Variants in LMTK2 observed in about 807,000 individuals in gnomAD.
LMTK2 encodes the protein lemur tail kinase 2, also known as serine/threonine-protein kinase LMTK2.
Under a neutral mutation model 127.5 loss-of-function variants are expected in LMTK2, and 37 were observed. The observed-to-expected ratio is 0.29, with a 90% CI of 0.22 to 0.38. The LOEUF (loss-of-function observed/expected upper bound fraction) is 0.38, where lower values mean the gene tolerates loss of function less well. Among genes scored for constraint, LMTK2 ranks in the 10% least tolerant of loss-of-function variants. LMTK2 has a pLI of 1.00. For missense variants in LMTK2, 1,694 were observed against 1,920.3 expected (o/e 0.88, Z 2.20); for synonymous variants, 819 against 810.1 (o/e 1.01, Z -0.19).
intron 9 of LMTK2, among the ~76,000 whole-genome samples, chr7:98,187,751 C>G (rs1162807978): frequency 6.6e-6 from 1 of 151,910 alleles, no homozygotes. Flanking sequence ...ATTGGGATTA[C>G]CAATATGTAC....
In LMTK2 at chr7:98,141,620, A is replaced by G. The variant is rs1796701595; in HGVS notation, c.376+79A>G. 8 of 1,339,486 alleles carry G rather than the reference A, an allele frequency of 6.0e-6. No homozygotes were observed. In the South Asian group the frequency reaches 9.9e-5, roughly 17 times the overall value. 83.0% of individuals were successfully genotyped at this position (1,339,486 alleles called of 1,614,324 possible). A position where few individuals can be genotyped will look rare whatever the true frequency, so the allele number is the denominator to read the frequency against. On this transcript the variant is annotated intron_variant, in intron 3 of 13. Transcript: ENST00000297293. ...GAATGGGAGCCTAGCCATCATAAAT[A>G]TTGGACTGCCCATCTCCTCTTTGGT...
chr7:98,125,606 G>A (rs536197825), intron 1 of LMTK2, among the ~76,000 whole-genome samples: 2 of 152,204 alleles, frequency 1.3e-5, no homozygotes, highest in African/African-American at 2.4e-5. Flanking sequence ...ACTATTTGGG[G>A]GTATTTTATC....
chr7:98,206,614 G>C lies in LMTK2; in HGVS notation c.*1122G>C, dbSNP rs1254526563. The C allele has an allele frequency of 6.6e-6, 1 of 152,220 alleles. No homozygotes were observed. The allele number at this position is 152,220 out of a possible 1,614,324, so 9.4% of individuals were successfully genotyped here. A position where few individuals can be genotyped will look rare whatever the true frequency, so the allele number is the denominator to read the frequency against. On this transcript the variant is annotated 3_prime_UTR_variant, in exon 14 of 14. Coordinates refer to ENST00000297293, the MANE Select transcript of LMTK2 (RefSeq NM_014916.4). ...TCAGTCCTTCCTTCAAGAAGCCGGG[G>C]AACTCAGGCAGACTCATCTCCGCAG...
chr7:98,176,717 C>T lies in LMTK2; in HGVS notation c.791+5043C>T, dbSNP rs145286142. 7.7e-3 allele frequency among the ~76,000 whole-genome samples: 1,175 copies of T among 152,188 alleles called. 5 individuals carry two copies. Among genetic ancestry groups the T allele is most frequent in the Middle Eastern group, 0.037 (11 of 294 alleles). On this transcript the variant is annotated intron_variant, in intron 7 of 13. Transcript: ENST00000297293. ...AAAAAATTAGCCAGGCGTGGTGGCA[C>T]ATGCCTGTAATCCCAGCTACTTGGG...
At chr7:98,166,494 C>G (rs1797103284) in intron 6 of LMTK2, among the ~76,000 whole-genome samples, 1 of 151,688 alleles carries the variant, frequency 6.6e-6, no homozygotes, top group Admixed American at 6.6e-5. Flanking sequence ...TTGTTTTAAC[C>G]TAAGTGTTAT....
rs370029760 is a variant in LMTK2, at chr7:98,124,876, C to T, written c.104-12439C>T. 4.6e-5 allele frequency among the ~76,000 whole-genome samples: 7 copies of T among 152,288 alleles called. No homozygotes were observed. In the South Asian group the frequency reaches 1.5e-3, roughly 32 times the overall value. On this transcript the variant is annotated intron_variant, in intron 1 of 13. Coordinates refer to ENST00000297293, the MANE Select transcript of LMTK2 (RefSeq NM_014916.4). ...GAATTGGAAGAGTTTAGAATACTGC[C>T]TGGAACATTGTAAGCAACATGTAAA...
Position 98,191,968 on chromosome 7 carries a change from G to C in LMTK2, c.1503G>C (p.Thr501=). The C allele has an allele frequency of 1.9e-6, 3 of 1,614,048 alleles. No homozygotes were observed. The highest frequency in any genetic ancestry group is 2.5e-6 in the Non-Finnish European group (3 of 1,179,950). Residue 501 remains threonine (T), a synonymous_variant, in exon 11 of 14, where the codon ACG becomes ACC. Transcript: ENST00000297293. ...RGHLDEGLSY[T]SIFYPVEVFE... ...ACCTGGACGAAGGCTTGTCCTACAC[G>C]AGCATCTTCTATCCGGTTGAAGTTT...
At chr7:98,115,452 A>G (rs1030571575) in intron 1 of LMTK2, among the ~76,000 whole-genome samples, 1 of 152,100 alleles carries the variant, frequency 6.6e-6, no homozygotes, top group Non-Finnish European at 1.5e-5. Context: ...GAAGAAAAAA[A>G]GAAAAGAAGG....
Position 98,171,413 on chromosome 7 carries a change from C to A in LMTK2, c.658-128C>A, listed in dbSNP as rs1045439571. ...CTTTCGCAGTATTGGGTTGGAACTT[C>A]TTTAAGTATGAACAAAAGAAGTTTC... On this transcript the variant is annotated intron_variant, in intron 6 of 13. Transcript: ENST00000297293. The surrounding 1 kb of genome is among the most constrained non-coding windows in gnomAD (Gnocchi z 5.1). The A allele has an allele frequency of 5.7e-6, 7 of 1,226,384 alleles. No homozygotes were observed. The Admixed American group carries it at 1.3e-4, about 23-fold the overall frequency. The allele number at this position is 1,226,384 out of a possible 1,614,324, so 76.0% of individuals were successfully genotyped here. A position where few individuals can be genotyped will look rare whatever the true frequency, so the allele number is the denominator to read the frequency against.
intron 1 of LMTK2, among the ~76,000 whole-genome samples, chr7:98,111,131 A>G (rs1405594248): frequency 4.6e-5 from 7 of 152,242 alleles, no homozygotes; most frequent in Non-Finnish European, 8.8e-5. Context: ...TTGAACAGTA[A>G]TAGGAAGTCC....
intron 6 of LMTK2, among the ~76,000 whole-genome samples, chr7:98,161,618 A>G (rs528362354): frequency 6.6e-6 from 1 of 152,286 alleles, no homozygotes; most frequent in South Asian, 2.1e-4. Context: ...TTATTATTAT[A>G]TAATCGGTTT....
intron 7 of LMTK2, among the ~76,000 whole-genome samples, chr7:98,172,088 C>T (rs1409355315): frequency 1.3e-5 from 2 of 152,168 alleles, no homozygotes; most frequent in Non-Finnish European, 2.9e-5. Flanking sequence ...TCTAGGCCAG[C>T]AGCCTCTGTT....
At chr7:98,174,104 TAAAA>T (rs11351887) in intron 7 of LMTK2, among the ~76,000 whole-genome samples, 6 of 117,884 alleles carry the variant, frequency 5.1e-5, no homozygotes, top group Admixed American at 8.1e-5. Flanking sequence ...CATTTTGTTG[TAAAA>T]AAAAAAAAAA....
chr7:98,165,394 G>A (rs1797079635), intron 6 of LMTK2, among the ~76,000 whole-genome samples: 1 of 152,220 alleles, frequency 6.6e-6, no homozygotes, highest in Non-Finnish European at 1.5e-5. Flanking sequence ...CGTGTGTCAG[G>A]GTTGGTGATG....
rs573923419 is a variant in LMTK2, at chr7:98,145,083, T to TA, written c.376+3543dup. Among the ~76,000 whole-genome samples the TA allele has an allele frequency of 1.1e-3, 172 of 152,308 alleles. 1 individual carries two copies. The highest frequency in any genetic ancestry group is 4.1e-3 in the African/African-American group (170 of 41,572). ...ATAATTTTGGTGGGTCTTGCCAGCT[T>TA]ACCCTCTGCAGGAGTCGACCAATTT... is the stretch of plus-strand genomic sequence containing the variant. On this transcript the variant is annotated intron_variant, in intron 3 of 13. Transcript: ENST00000297293.
chr7:98,149,217 C>G (rs544477455), intron 3 of LMTK2, among the ~76,000 whole-genome samples: 70 of 152,298 alleles, frequency 4.6e-4, no homozygotes, highest in Admixed American at 3.9e-4. Flanking sequence ...CTGTGCTCCC[C>G]GTGGACCCTG....
At position 98,107,182 on chromosome 7, in the gene LMTK2, CG is replaced by C. The variant is rs1450207719; in HGVS notation, c.9del (p.Pro4ArgfsTer16). Reference protein sequence around the residue: MPGPPALRRRLL... With the variant: MXGPPALRRRLL... ...CGGAGCCGCGCCGTGGGCGAGATGC[CG>C]GGGCCGCCGGCGTTGCGGCGGAGGC... On this transcript the variant is annotated frameshift_variant, in exon 1 of 14. Transcript: ENST00000297293. LOFTEE classifies it high-confidence loss of function. The C allele has an allele frequency of 2.1e-6, 3 of 1,447,718 alleles. No homozygotes were observed. The highest frequency in any genetic ancestry group is 2.7e-6 in the Non-Finnish European group (3 of 1,108,190). The allele number at this position is 1,447,718 out of a possible 1,614,324, so 89.7% of individuals were successfully genotyped here.
chr7:98,124,978 G>T (rs1246910768), intron 1 of LMTK2, among the ~76,000 whole-genome samples: 6 of 152,136 alleles, frequency 3.9e-5, no homozygotes, highest in Admixed American at 2.6e-4. Context: ...TATCAGAAAT[G>T]TGTTCCCTGG....
intron 7 of LMTK2, among the ~76,000 whole-genome samples, chr7:98,183,751 T>C (rs560806473): frequency 5.3e-5 from 8 of 152,230 alleles, no homozygotes; most frequent in African/African-American, 1.9e-4. Flanking sequence ...GCCAGGCTGG[T>C]CTTGAACTCC....
Sources: gnomAD v4.1 joint callset for allele counts (sites outside exome capture counted in the v4.1 genomes callset) on GRCh38, gnomAD v4.1.1 for gene constraint, Gnocchi (gnomAD v3.1) non-coding constraint, MANE v1.5 for transcripts, NCBI Gene and HGNC (gene_info 2026-07-23, HGNC 2026-07-21) for gene names.